SLAIN2: variants seen among roughly 807,000 people sequenced by gnomAD.
SLAIN2 encodes SLAIN motif-containing protein 2.
A neutral mutation model predicts 56.6 loss-of-function variants in SLAIN2; 31 were observed. That is an observed-to-expected ratio of 0.55 (90% CI 0.41 to 0.74). The LOEUF (loss-of-function observed/expected upper bound fraction) is 0.74. Among genes scored for constraint, SLAIN2 ranks in the 30% least tolerant of loss-of-function variants. SLAIN2 has a pLI of 0.00. For missense variants in SLAIN2, 777 were observed against 754.2 expected (o/e 1.03, Z -0.35); for synonymous variants, 317 against 284.9 (o/e 1.11, Z -1.13).
In SLAIN2 at chr4:48,378,169, T is replaced by C. The variant is rs1301878941; in HGVS notation, c.703+109T>C. ...CGAGTTCATTTTATTTATGAAACTT[T>C]TAACTGGTTAAAGAAAATATCGTTG... On this transcript the variant is annotated intron_variant, in intron 3 of 7. Transcript: ENST00000264313. 4 of 1,267,546 alleles carry C rather than the reference T, an allele frequency of 3.2e-6. No individual in the cohort carries two copies. In the East Asian group the frequency reaches 7.0e-5, roughly 22 times the overall value. The allele number at this position is 1,267,546 out of a possible 1,614,324, so 78.5% of individuals were successfully genotyped here. A position where few individuals can be genotyped will look rare whatever the true frequency, so the allele number is the denominator to read the frequency against.
chr4:48,393,487 G>C (rs1716286955), intron 6 of SLAIN2, among the ~76,000 whole-genome samples: 1 of 151,460 alleles, frequency 6.6e-6, no homozygotes, highest in South Asian at 2.1e-4. Flanking sequence ...AAATCTTCCT[G>C]CCCTGGCCTC....
intron 1 of SLAIN2, among the ~76,000 whole-genome samples, chr4:48,365,090 G>A (rs945289593): frequency 1.3e-5 from 2 of 151,970 alleles, no homozygotes; most frequent in African/African-American, 4.8e-5. Flanking sequence ...TGTTTGTGGT[G>A]ATGTCCTCTC....
intron 1 of SLAIN2, among the ~76,000 whole-genome samples, chr4:48,364,726 G>T (rs1403991091): frequency 7.3e-6 from 1 of 136,122 alleles, no homozygotes; most frequent in African/African-American, 2.7e-5. Flanking sequence ...CCAGTCAGGC[G>T]TGGCGGCGCG....
intron 1 of SLAIN2, among the ~76,000 whole-genome samples, chr4:48,346,917 G>T (rs372944244): frequency 1.4e-5 from 2 of 147,320 alleles, no homozygotes; most frequent in East Asian, 4.0e-4. Flanking sequence ...CAGGCAGTCT[G>T]CCCACCTCAA....
intron 1 of SLAIN2, among the ~76,000 whole-genome samples, chr4:48,363,970 G>A (rs1454882842): frequency 7.7e-6 from 1 of 130,312 alleles, no homozygotes; most frequent in African/African-American, 2.8e-5. Flanking sequence ...GCCGGGCAGG[G>A]GGCTGACCCC....
Position 48,341,607 on chromosome 4 carries a change from G to C in SLAIN2, c.-133G>C. The C allele has an allele frequency of 1.5e-6, 2 of 1,311,652 alleles. No individual in the cohort carries two copies. Among genetic ancestry groups the C allele is most frequent in the Non-Finnish European group, 2.0e-6 (2 of 1,010,596 alleles). The allele number at this position is 1,311,652 out of a possible 1,614,324, so 81.3% of individuals were successfully genotyped here. ...GAACCCGAGGTGGGGGGACCCTGGC[G>C]GTGGGGCCTGGTCCTGCTATATGCC... On this transcript the variant is annotated 5_prime_UTR_variant, in exon 1 of 8. Transcript: ENST00000264313.
chr4:48,419,448 C>A lies in SLAIN2; in HGVS notation c.1361-677C>A, dbSNP rs141300908. On this transcript the variant is annotated intron_variant, in intron 6 of 7. Transcript: ENST00000264313. ...CAGAGTCTTGCTCTGTCACCCAGGC[C>A]GGAGTGCAGTGGCATCATCTCGGCT... Among the ~76,000 whole-genome samples the A allele has an allele frequency of 2.6e-5, 4 of 152,088 alleles. No individual in the cohort carries two copies. In the East Asian group the frequency reaches 7.7e-4, roughly 29 times the overall value.
intron 6 of SLAIN2, among the ~76,000 whole-genome samples, chr4:48,407,345 C>T (rs1420006299): frequency 6.6e-6 from 1 of 152,016 alleles, no homozygotes; most frequent in African/African-American, 2.4e-5. Context: ...GTTTGTCACT[C>T]CGATTTATGC....
In SLAIN2 at chr4:48,411,783, G is replaced by A. The variant is rs534998072; in HGVS notation, c.1361-8342G>A. 5.9e-5 allele frequency among the ~76,000 whole-genome samples: 9 copies of A among 152,218 alleles called. No homozygotes were observed. The South Asian group carries it at 1.9e-3, about 32-fold the overall frequency. ...TTCTGTTCAGCATTTTTTTGTATGA[G>A]TACTTGTTGGTTATTTTGGAATTTT... On this transcript the variant is annotated intron_variant, in intron 6 of 7. Transcript: ENST00000264313.
In SLAIN2 at chr4:48,425,009, T is replaced by C. The variant is rs1432736177; in HGVS notation, c.*2932T>C. Reference sequence around the variant, plus strand: ...TAAACAGCCTGACCATAATGTTTATTATTAAATTTATATTCTTTAAGTGTT... The same window carrying C: ...TAAACAGCCTGACCATAATGTTTATCATTAAATTTATATTCTTTAAGTGTT... On this transcript the variant is annotated 3_prime_UTR_variant, in exon 8 of 8. Transcript: ENST00000264313. The C allele has an allele frequency of 6.6e-6, 1 of 152,156 alleles. No individual in the cohort carries two copies. Among genetic ancestry groups the C allele is most frequent in the Non-Finnish European group, 1.5e-5 (1 of 67,996 alleles). The allele number at this position is 152,156 out of a possible 1,614,324, so 9.4% of individuals were successfully genotyped here.
At chr4:48,364,099 G>A (rs1715438359) in intron 1 of SLAIN2, among the ~76,000 whole-genome samples, 1 of 70,650 alleles carries the variant, frequency 1.4e-5, no homozygotes, top group African/African-American at 5.2e-5. Flanking sequence ...GCCGGGCGGA[G>A]GGGCTCCTCA....
chr4:48,391,145 T>G (rs1716227326), intron 6 of SLAIN2, among the ~76,000 whole-genome samples: 1 of 152,240 alleles, frequency 6.6e-6, no homozygotes, highest in Non-Finnish European at 1.5e-5. Context: ...TAAAAATCAC[T>G]GTACCATTGT....
At chr4:48,345,196 A>T (rs1179788679) in intron 1 of SLAIN2, among the ~76,000 whole-genome samples, 1 of 152,266 alleles carries the variant, frequency 6.6e-6, no homozygotes, top group Non-Finnish European at 1.5e-5. Flanking sequence ...GCTTTTTCCA[A>T]GTATAATGTC....
At chr4:48,413,154 T>A (rs1239418164) in intron 6 of SLAIN2, among the ~76,000 whole-genome samples, 1 of 151,804 alleles carries the variant, frequency 6.6e-6, no homozygotes, top group Non-Finnish European at 1.5e-5. Flanking sequence ...CTTGAACCTG[T>A]GAGGCAGACG....
At chr4:48,383,173 A>G (rs1171591573) in intron 5 of SLAIN2, among the ~76,000 whole-genome samples, 2 of 150,650 alleles carry the variant, frequency 1.3e-5, no homozygotes, top group Admixed American at 6.6e-5. Flanking sequence ...GTTTTCAAAA[A>G]AAAAAAAAAA....
At chr4:48,402,754 T>C (rs1716588418) in intron 6 of SLAIN2, among the ~76,000 whole-genome samples, 1 of 152,246 alleles carries the variant, frequency 6.6e-6, no homozygotes, top group Non-Finnish European at 1.5e-5. Flanking sequence ...AGCCCAGTTC[T>C]GTGCCCTTGC....
At position 48,423,303 on chromosome 4, in the gene SLAIN2, CTA is replaced by C. The variant is rs2109793735; in HGVS notation, c.*1227_*1228del. 1 of 152,140 alleles carries C rather than the reference CTA, an allele frequency of 6.6e-6. No homozygotes were observed. Among genetic ancestry groups the C allele is most frequent in the East Asian group, 1.9e-4 (1 of 5,180 alleles). 9.4% of individuals were successfully genotyped at this position (152,140 alleles called of 1,614,324 possible). A position where few individuals can be genotyped will look rare whatever the true frequency, so the allele number is the denominator to read the frequency against. On this transcript the variant is annotated 3_prime_UTR_variant, in exon 8 of 8. Transcript: ENST00000264313. ...AAAAAAAACCCTACTACGTATGACT[CTA>C]ACCTGATACTTGCTCTCTAATGGCT...
intron 6 of SLAIN2, among the ~76,000 whole-genome samples, chr4:48,408,725 C>G (rs80026440): frequency 0.018 from 2,759 of 152,014 alleles, 34 homozygotes; most frequent in Middle Eastern, 0.041. Flanking sequence ...TAACAGTAAG[C>G]TAAGGTTAAT....
intron 1 of SLAIN2, among the ~76,000 whole-genome samples, chr4:48,358,302 C>G (rs1715217267): frequency 6.6e-6 from 1 of 151,504 alleles, no homozygotes; most frequent in African/African-American, 2.4e-5. Flanking sequence ...ATAATAATTA[C>G]TGTTACATTG....
Sources: gnomAD v4.1 joint callset for allele counts (sites outside exome capture counted in the v4.1 genomes callset) on GRCh38, gnomAD v4.1.1 for gene constraint, MANE v1.5 for transcripts, NCBI Gene and HGNC (gene_info 2026-07-23, HGNC 2026-07-21) for gene names.